VEPH1: variants seen among roughly 807,000 people sequenced by gnomAD.
The protein encoded by VEPH1 is ventricular zone expressed PH domain containing 1.
A neutral mutation model predicts 85.2 loss-of-function variants in VEPH1; 80 were observed. That is an observed-to-expected ratio of 0.94 (90% CI 0.78 to 1.13). The LOEUF (loss-of-function observed/expected upper bound fraction) is 1.13, where lower values mean the gene tolerates loss of function less well. Among genes scored for constraint, VEPH1 ranks in the 50% most tolerant of loss-of-function variants. The probability of loss-of-function intolerance (pLI) is 0.00; values close to 1 mark genes in which losing one functional copy is unlikely to be tolerated. For missense variants in VEPH1, 955 were observed against 980.5 expected (o/e 0.97, Z 0.35); for synonymous variants, 297 against 348.0 (o/e 0.85, Z 1.63).
intron 6 of VEPH1, among the ~76,000 whole-genome samples, chr3:157,407,922 G>A (rs1289033805): frequency 1.4e-4 from 21 of 152,132 alleles, no homozygotes; most frequent in Admixed American, 1.3e-3. Context: ...GTCAAGAGAG[G>A]TGATGTAAGT....
At chr3:157,383,891 T>G (rs996882734) in intron 6 of VEPH1, among the ~76,000 whole-genome samples, 19 of 146,846 alleles carry the variant, frequency 1.3e-4, no homozygotes, top group African/African-American at 2.4e-4. Flanking sequence ...ACAGTTTTTG[T>G]TTTTTTTTGC....
At chr3:157,403,225 A>G (rs892282983) in intron 6 of VEPH1, among the ~76,000 whole-genome samples, 1 of 151,908 alleles carries the variant, frequency 6.6e-6, no homozygotes, top group African/African-American at 2.4e-5. Context: ...ATGCTTTCAG[A>G]TCCTACTTGA....
chr3:157,455,330 T>C (rs897685996), intron 4 of VEPH1, among the ~76,000 whole-genome samples: 2 of 152,186 alleles, frequency 1.3e-5, no homozygotes, highest in Non-Finnish European at 2.9e-5. Context: ...TTGATTTGCA[T>C]TTCTCTGAGG....
intron 4 of VEPH1, among the ~76,000 whole-genome samples, chr3:157,451,288 G>C (rs1349386974): frequency 6.6e-6 from 1 of 152,084 alleles, no homozygotes; most frequent in Admixed American, 6.6e-5. Context: ...AGATATTCAA[G>C]TTTTCTATCC....
At chr3:157,306,699 A>T (rs1186823099) in intron 11 of VEPH1, among the ~76,000 whole-genome samples, 1 of 152,096 alleles carries the variant, frequency 6.6e-6, no homozygotes, top group East Asian at 1.9e-4. Flanking sequence ...TGAAATTATA[A>T]TATAACCACT....
At chr3:157,464,863 C>A (rs1462301764) in intron 3 of VEPH1, among the ~76,000 whole-genome samples, 1 of 152,146 alleles carries the variant, frequency 6.6e-6, no homozygotes, top group Admixed American at 6.5e-5. Context: ...AAATATTAAA[C>A]CTCATTTATT....
At chr3:157,318,632 A>AAAG (rs60047284) in intron 9 of VEPH1, among the ~76,000 whole-genome samples, 329 of 128,620 alleles carry the variant, frequency 2.6e-3, no homozygotes, top group African/African-American at 8.2e-3. Flanking sequence ...AACAAAAAAA[A>AAAG]AAAGAAAGAA....
At chr3:157,363,911 A>C (rs1036140394) in intron 8 of VEPH1, 150 bp from the exon 9 acceptor site, 44 of 947,470 alleles carry the variant, frequency 4.6e-5, no homozygotes, top group Non-Finnish European at 6.4e-5. Flanking sequence ...CCAATAAATG[A>C]TGTAATAAAC....
intron 7 of VEPH1, among the ~76,000 whole-genome samples, chr3:157,379,661 A>G (rs1440499550): frequency 6.6e-6 from 1 of 152,188 alleles, no homozygotes; most frequent in Admixed American, 6.5e-5. Flanking sequence ...CTTCTCATGG[A>G]ATTCTTGTTT....
chr3:157,331,830 C>T (rs567641146), intron 9 of VEPH1, among the ~76,000 whole-genome samples: 2 of 152,278 alleles, frequency 1.3e-5, no homozygotes, highest in South Asian at 4.1e-4. Flanking sequence ...AGCACACTTC[C>T]ATTGTACATA....
upstream of VEPH1, chr3:157,503,475 C>G (rs540968984): frequency 7.2e-5 from 11 of 152,274 alleles, no homozygotes; most frequent in African/African-American, 2.2e-4. Context: ...ACTCACCGTG[C>G]GGAATCAGGC....
At chr3:157,366,508 G>A (rs1726720218) in intron 7 of VEPH1, among the ~76,000 whole-genome samples, 2 of 152,118 alleles carry the variant, frequency 1.3e-5, no homozygotes, top group Non-Finnish European at 2.9e-5. Context: ...GCCGAGGTGG[G>A]TGGATCATTT....
intron 4 of VEPH1, 65 bp from the exon 5 acceptor site, chr3:157,428,553 T>C: frequency 6.7e-7 from 1 of 1,496,016 alleles, no homozygotes; most frequent in South Asian, 1.2e-5. Flanking sequence ...AATAACATTA[T>C]TACCAATGTA....
At chr3:157,420,428 G>C (rs1732243236) in intron 5 of VEPH1, among the ~76,000 whole-genome samples, 1 of 151,966 alleles carries the variant, frequency 6.6e-6, no homozygotes, top group Admixed American at 6.6e-5. Flanking sequence ...TTAGTCTTCA[G>C]GCCCAATTTT....
At chr3:157,320,963 G>C (rs1215446201) in intron 9 of VEPH1, among the ~76,000 whole-genome samples, 1 of 151,978 alleles carries the variant, frequency 6.6e-6, no homozygotes, top group Non-Finnish European at 1.5e-5. Context: ...CGTTCTTCTT[G>C]GGAGACTAGA....
In VEPH1 at chr3:157,363,784, G is replaced by A. The variant is rs539818855; in HGVS notation, c.1338-23C>T. 9 of 1,599,244 alleles carry A rather than the reference G, an allele frequency of 5.6e-6. No individual in the cohort carries two copies. In the East Asian group the frequency reaches 1.8e-4, roughly 32 times the overall value. ...GACCTAGAGTTCAAACAAAGGGAAAGTTAAAGAAGTTGTGTTACCATTCAC... is the reference window on the plus strand; with the variant it reads ...GACCTAGAGTTCAAACAAAGGGAAAATTAAAGAAGTTGTGTTACCATTCAC... On this transcript the variant is annotated intron_variant, in intron 8 of 13. Transcript: ENST00000362010.
At chr3:157,373,902 A>T (rs1016093230) in intron 7 of VEPH1, among the ~76,000 whole-genome samples, 2 of 152,110 alleles carry the variant, frequency 1.3e-5, no homozygotes, top group Non-Finnish European at 2.9e-5. Context: ...CTGTGTCCTT[A>T]CATGGCAGAG....
intron 1 of VEPH1, among the ~76,000 whole-genome samples, chr3:157,496,909 C>G (rs1352651197): frequency 6.6e-6 from 1 of 152,142 alleles, no homozygotes; most frequent in Non-Finnish European, 1.5e-5. Context: ...AAAAATGAAG[C>G]CTAACACTTA....
At chr3:157,287,051 T>C (rs1368732944) in intron 11 of VEPH1, among the ~76,000 whole-genome samples, 1 of 152,088 alleles carries the variant, frequency 6.6e-6, no homozygotes, top group African/African-American at 2.4e-5. Flanking sequence ...TACATTTATA[T>C]AAAATTGAGA....
Sources: gnomAD v4.1 joint callset for allele counts (sites outside exome capture counted in the v4.1 genomes callset) on GRCh38, gnomAD v4.1.1 for gene constraint, MANE v1.5 for transcripts, NCBI Gene and HGNC (gene_info 2026-07-23, HGNC 2026-07-21) for gene names.